Variants in XRCC4 observed in about 807,000 individuals in gnomAD.
The protein encoded by XRCC4 is X-ray repair cross complementing 4.
A neutral mutation model predicts 39.1 loss-of-function variants in XRCC4; 28 were observed. That is an observed-to-expected ratio of 0.72 (90% CI 0.53 to 0.98). The LOEUF (loss-of-function observed/expected upper bound fraction) is 0.98, where lower values mean the gene tolerates loss of function less well. Ranked by LOEUF, XRCC4 falls within the 50% of genes least tolerant of loss-of-function variation. The probability of loss-of-function intolerance (pLI) is 0.00; values close to 1 mark genes in which losing one functional copy is unlikely to be tolerated. For missense variants in XRCC4, 350 were observed against 376.4 expected (o/e 0.93, Z 0.58); for synonymous variants, 123 against 126.4 (o/e 0.97, Z 0.18).
At chr5:83,130,109 G>T (rs1170345382) in intron 3 of XRCC4, among the ~76,000 whole-genome samples, 1 of 151,992 alleles carries the variant, frequency 6.6e-6, no homozygotes, top group Non-Finnish European at 1.5e-5. Flanking sequence ...TGGGTTTGTT[G>T]TGAATAGCTC....
Position 83,140,333 on chromosome 5 carries a change from A to G in XRCC4, c.315+29130A>G, listed in dbSNP as rs202140077. On this transcript the variant is annotated intron_variant, in intron 3 of 7. Transcript: ENST00000396027. Reference sequence around the variant, plus strand: ...CCACCGATGTAAGTCTAAGAGCTCAAGGGCCGAAGAACCTGGAGTCTGATG... The same window carrying G: ...CCACCGATGTAAGTCTAAGAGCTCAGGGGCCGAAGAACCTGGAGTCTGATG... 2.6e-5 allele frequency among the ~76,000 whole-genome samples: 4 copies of G among 152,306 alleles called. No homozygotes were observed. In the East Asian group the frequency reaches 5.8e-4, roughly 22 times the overall value.
chr5:83,310,841 CAG>C (rs754853612), intron 7 of XRCC4: 25 of 456,388 alleles, frequency 5.5e-5, no homozygotes, highest in Non-Finnish European at 9.7e-5. Flanking sequence ...GAAGCAAAAT[CAG>C]AGAGAAAAGA....
chr5:83,335,280 T>C (rs1756560468), intron 7 of XRCC4, among the ~76,000 whole-genome samples: 2 of 151,808 alleles, frequency 1.3e-5, no homozygotes, highest in Admixed American at 6.6e-5. Context: ...ATCAACTCAA[T>C]TTTCGTTAAG....
chr5:83,177,438 C>CT (rs776050448), intron 3 of XRCC4, among the ~76,000 whole-genome samples: 3,308 of 98,256 alleles, frequency 0.034, 52 homozygotes, highest in African/African-American at 0.082. Flanking sequence ...GCTTTAATAC[C>CT]TTTTTTTTTT....
chr5:83,197,875 A>G (rs939835742), intron 4 of XRCC4, among the ~76,000 whole-genome samples: 1 of 152,080 alleles, frequency 6.6e-6, no homozygotes, highest in African/African-American at 2.4e-5. Context: ...TCTTTATTGT[A>G]TTCCAGATCT....
At chr5:83,176,623 T>G (rs1426340241) in intron 3 of XRCC4, among the ~76,000 whole-genome samples, 1 of 140,960 alleles carries the variant, frequency 7.1e-6, no homozygotes. Flanking sequence ...ATATAAAGTA[T>G]TGGAATTTTT....
chr5:83,204,885 A>C lies in XRCC4; in HGVS notation c.709A>C (p.Ser237Arg). 6.2e-7 allele frequency: 1 copy of C among 1,612,492 alleles called. No individual in the cohort carries two copies. The highest frequency in any genetic ancestry group is 1.1e-5 in the South Asian group (1 of 90,970). Reference sequence around the variant, plus strand: ...CTATGATGAGAGTACTGATGAGGAAAGTGAAAACCAAACTGATCTCTCTGG... The same window carrying C: ...CTATGATGAGAGTACTGATGAGGAACGTGAAAACCAAACTGATCTCTCTGG... ...PVYDESTDEE[S>R]ENQTDLSGLA... Residue 237 changes from serine (S) to arginine (R), a missense_variant, in exon 6 of 8, where the codon AGT (serine) becomes CGT (arginine). Ser to Arg is a moderately radical substitution (Grantham distance 110). Transcript: ENST00000396027.
intron 7 of XRCC4, among the ~76,000 whole-genome samples, chr5:83,342,752 A>G (rs1756801281): frequency 6.6e-6 from 1 of 152,186 alleles, no homozygotes; most frequent in African/African-American, 2.4e-5. Flanking sequence ...TTATAAGGTC[A>G]ACTAGAAATT....
At chr5:83,087,374 C>T (rs1745229989) in intron 1 of XRCC4, among the ~76,000 whole-genome samples, 2 of 151,002 alleles carry the variant, frequency 1.3e-5, no homozygotes, top group Admixed American at 6.6e-5. Flanking sequence ...TAAAATTTGT[C>T]CTGGTTGGCT....
chr5:83,186,750 A>G (rs1750456441), intron 3 of XRCC4, among the ~76,000 whole-genome samples: 2 of 152,314 alleles, frequency 1.3e-5, no homozygotes, highest in Middle Eastern at 3.4e-3. Flanking sequence ...TCAAAACAAC[A>G]TAAATTTACC....
intron 1 of XRCC4, among the ~76,000 whole-genome samples, chr5:83,101,032 C>T (rs1745908893): frequency 6.6e-6 from 1 of 151,988 alleles, no homozygotes; most frequent in Non-Finnish European, 1.5e-5. Flanking sequence ...ATCAAACCTA[C>T]AAACTTAAAT....
intron 3 of XRCC4, among the ~76,000 whole-genome samples, chr5:83,132,394 G>GT (rs1464964472): frequency 6.6e-6 from 1 of 151,976 alleles, no homozygotes; most frequent in African/African-American, 2.4e-5. Context: ...TCTTTGTGAC[G>GT]TTGTCTGTAT....
intron 7 of XRCC4, among the ~76,000 whole-genome samples, chr5:83,281,442 AG>A (rs1450050962): frequency 6.6e-6 from 1 of 152,072 alleles, no homozygotes; most frequent in African/African-American, 2.4e-5. Context: ...AAAGTGAGAC[AG>A]GCTGTTAGCA....
chr5:83,096,103 A>C (rs1212031204), intron 1 of XRCC4, among the ~76,000 whole-genome samples: 1 of 152,068 alleles, frequency 6.6e-6, no homozygotes, highest in African/African-American at 2.4e-5. Context: ...TGAGTCACCA[A>C]GCCTGCCTTG....
At chr5:83,092,088 T>G (rs766264898) in intron 1 of XRCC4, among the ~76,000 whole-genome samples, 8 of 152,200 alleles carry the variant, frequency 5.3e-5, no homozygotes, top group Non-Finnish European at 1.0e-4. Context: ...TGATTTTAAT[T>G]TCTATCTCCC....
intron 3 of XRCC4, among the ~76,000 whole-genome samples, chr5:83,145,960 C>T (rs377563350): frequency 5.3e-5 from 8 of 151,662 alleles, no homozygotes; most frequent in Admixed American, 1.3e-4. Flanking sequence ...AAGCAGAGCT[C>T]TATACTTAGC....
chr5:83,223,368 T>C (rs1416363115), intron 6 of XRCC4, among the ~76,000 whole-genome samples: 1 of 152,094 alleles, frequency 6.6e-6, no homozygotes, highest in Non-Finnish European at 1.5e-5. Context: ...TCTATTAATA[T>C]TTGCTCTATA....
At chr5:83,135,602 C>A (rs1227215411) in intron 3 of XRCC4, among the ~76,000 whole-genome samples, 2 of 151,928 alleles carry the variant, frequency 1.3e-5, no homozygotes, top group Non-Finnish European at 2.9e-5. Context: ...GCCCACTGAT[C>A]CTGTATTGCC....
chr5:83,098,985 TATA>T (rs376900081), intron 1 of XRCC4, among the ~76,000 whole-genome samples: 23 of 152,310 alleles, frequency 1.5e-4, no homozygotes, highest in African/African-American at 5.5e-4. Flanking sequence ...TTTGAATTTT[TATA>T]ATGTGATAAG....
Sources: gnomAD v4.1 joint callset for allele counts (sites outside exome capture counted in the v4.1 genomes callset) on GRCh38, gnomAD v4.1.1 for gene constraint, MANE v1.5 for transcripts, NCBI Gene and HGNC (gene_info 2026-07-23, HGNC 2026-07-21) for gene names.